Variants in NRXN3 observed in about 807,000 individuals in gnomAD.
NRXN3 encodes the protein neurexin 3.
A neutral mutation model predicts 137.6 loss-of-function variants in NRXN3; 32 were observed. The ratio of observed to expected loss-of-function variants is 0.23; its 90% confidence interval spans 0.18 to 0.31. The LOEUF is 0.31. NRXN3 is among the 10% of genes least tolerant of loss of function. The pLI, the probability that NRXN3 is intolerant of heterozygous loss-of-function variation, is 1.00. For synonymous variants in NRXN3, 798 were observed against 784.5 expected, an observed-to-expected ratio of 1.02 and a Z score of -0.29; for missense variants, 1,574 against 2,062.5, an observed-to-expected ratio of 0.76 and a Z score of 4.59.
At chr14:79,804,923 A>G (rs1169037925) in intron 19 of NRXN3, among the ~76,000 whole-genome samples, 189 bp from the exon 20 acceptor site, 1 of 152,172 alleles carries the variant, frequency 6.6e-6, no homozygotes, top group Non-Finnish European at 1.5e-5. Context: ...GTCTAGACCC[A>G]GAGTCATTCT....
chr14:78,566,660 C>T (rs952783565), intron 4 of NRXN3, among the ~76,000 whole-genome samples: 1 of 152,190 alleles, frequency 6.6e-6, no homozygotes, highest in African/African-American at 2.4e-5. Flanking sequence ...TCCTTCCTTC[C>T]TCCTCCCTCT....
chr14:79,106,594 A>G (rs1272736350), intron 15 of NRXN3, among the ~76,000 whole-genome samples: 1 of 152,180 alleles, frequency 6.6e-6, no homozygotes, highest in East Asian at 1.9e-4. Flanking sequence ...TTGATTCTAC[A>G]TAATTACTTC....
rs1567769136 is a variant in NRXN3 at position 79,648,205 on chromosome 14, CAAACA to C, written c.3445-15569_3445-15565del. ...TATACAAAACAAACAAACAAACAAA[CAAACA>C]AAAAACAGAAAACTTGATGATAAAT... On this transcript the variant is annotated intron_variant, in intron 16 of 20. Transcript: ENST00000335750. 2.2e-5 allele frequency among the ~76,000 whole-genome samples: 3 copies of C among 133,446 alleles called. 1 individual carries two copies. Among genetic ancestry groups the C allele is most frequent in the Non-Finnish European group, 3.5e-5 (2 of 57,626 alleles). The allele number at this position is 133,446 out of a possible 152,430, so 87.5% of individuals were successfully genotyped here.
chr14:79,702,361 T>C (rs2154032613), intron 19 of NRXN3, among the ~76,000 whole-genome samples: 1 of 152,134 alleles, frequency 6.6e-6, no homozygotes, highest in Middle Eastern at 3.4e-3. Flanking sequence ...GAGCTATCCA[T>C]ATGAAGTAGT....
At chr14:78,704,091 A>G (rs1277185087) in intron 6 of NRXN3, among the ~76,000 whole-genome samples, 2 of 152,214 alleles carry the variant, frequency 1.3e-5, no homozygotes, top group Non-Finnish European at 2.9e-5. Context: ...GCAGAGGGAG[A>G]GAAGAAAATA....
intron 10 of NRXN3, among the ~76,000 whole-genome samples, chr14:78,851,205 T>C (rs1186677814): frequency 6.6e-6 from 1 of 152,148 alleles, no homozygotes; most frequent in Non-Finnish European, 1.5e-5. Flanking sequence ...TAGCTTCTAT[T>C]TGGTGATATA....
chr14:78,687,195 G>A (rs762032714), intron 6 of NRXN3, among the ~76,000 whole-genome samples: 1 of 152,190 alleles, frequency 6.6e-6, no homozygotes, highest in African/African-American at 2.4e-5. Context: ...AAGCCTTTAA[G>A]CCATGGTAAG....
intron 19 of NRXN3, among the ~76,000 whole-genome samples, chr14:79,711,461 A>G (rs1002177117): frequency 6.6e-6 from 1 of 151,520 alleles, no homozygotes; most frequent in African/African-American, 2.4e-5. Context: ...ATATGTATAT[A>G]TATTTATTTC....
chr14:78,478,696 G>A (rs1053495742), intron 4 of NRXN3, among the ~76,000 whole-genome samples: 6 of 152,140 alleles, frequency 3.9e-5, no homozygotes, highest in African/African-American at 1.4e-4. Context: ...GTGACTCCCA[G>A]CCCACTCACC....
At chr14:78,516,575 G>A (rs1329494171) in intron 4 of NRXN3, among the ~76,000 whole-genome samples, 1 of 151,586 alleles carries the variant, frequency 6.6e-6, no homozygotes, top group African/African-American at 2.4e-5. Flanking sequence ...CTGCTTGGGT[G>A]TTGGTGGAGA....
chr14:79,833,733 G>T (rs1442816142), intron 20 of NRXN3, among the ~76,000 whole-genome samples: 1 of 152,052 alleles, frequency 6.6e-6, no homozygotes, highest in African/African-American at 2.4e-5. Flanking sequence ...CATCTGTAGA[G>T]GTACCAACTG....
chr14:78,251,775 A>G (rs560589827), intron 2 of NRXN3, among the ~76,000 whole-genome samples: 5 of 152,332 alleles, frequency 3.3e-5, no homozygotes, highest in Admixed American at 3.3e-4. Flanking sequence ...TAGAGGAACA[A>G]GGTGGTATTT....
chr14:78,932,201 G>A (rs1185614284), intron 10 of NRXN3, among the ~76,000 whole-genome samples: 1 of 152,098 alleles, frequency 6.6e-6, no homozygotes, highest in Non-Finnish European at 1.5e-5. Context: ...TGGCTAGAGA[G>A]TGTGAGCTTG....
At chr14:78,205,428 A>G (rs1425839850) in intron 1 of NRXN3, among the ~76,000 whole-genome samples, 1 of 152,228 alleles carries the variant, frequency 6.6e-6, no homozygotes, top group East Asian at 1.9e-4. Context: ...TGCACGGCAC[A>G]CTTGGATGTT....
At chr14:78,365,584 A>C (rs1269120255) in intron 4 of NRXN3, among the ~76,000 whole-genome samples, 1 of 152,200 alleles carries the variant, frequency 6.6e-6, no homozygotes, top group Non-Finnish European at 1.5e-5. Context: ...GAAAGCTGGG[A>C]CATGTTGACC....
rs558950814 is a variant in NRXN3 at position 79,492,853 on chromosome 14, G to A, written c.3444+25451G>A. Among the ~76,000 whole-genome samples, 40 of 152,210 alleles carry A rather than the reference G, an allele frequency of 2.6e-4. No homozygotes were observed. In the East Asian group the frequency reaches 5.2e-3, roughly 20 times the overall value. On this transcript the variant is annotated intron_variant, in intron 16 of 20. Transcript: ENST00000335750. ...ATACTCTGACATCGTCAATTCTACC[G>A]TGATCTACTCAAGCATCTCACCTGT...
At chr14:78,987,521 T>C (rs2099509379) in intron 14 of NRXN3, among the ~76,000 whole-genome samples, 1 of 74,822 alleles carries the variant, frequency 1.3e-5, no homozygotes, top group Non-Finnish European at 3.4e-5. Context: ...TAAATCCTCC[T>C]TCTTCTCCTT....
intron 15 of NRXN3, among the ~76,000 whole-genome samples, chr14:79,168,202 C>A (rs2061452899): frequency 6.6e-6 from 1 of 151,914 alleles, no homozygotes; most frequent in Non-Finnish European, 1.5e-5. Context: ...GGGAAGAGAG[C>A]AAATCTATTG....
At chr14:78,547,433 C>T (rs757534349) in intron 4 of NRXN3, among the ~76,000 whole-genome samples, 2 of 152,062 alleles carry the variant, frequency 1.3e-5, no homozygotes, top group Non-Finnish European at 2.9e-5. Flanking sequence ...CTCCTGACCT[C>T]GTGATCCACC....
Sources: allele counts gnomAD v4.1 joint callset (sites outside exome capture counted in the v4.1 genomes callset), GRCh38; gene constraint gnomAD v4.1.1; transcripts MANE v1.5; gene names NCBI Gene and HGNC (gene_info 2026-07-23, HGNC 2026-07-21).